NXNL2: variants seen among roughly 807,000 people sequenced by gnomAD.
NXNL2 encodes the protein nucleoredoxin-like protein 2.
NXNL2 carries 7 observed loss-of-function variants against 11.1 expected under a neutral mutation model. That is an observed-to-expected ratio of 0.63 (90% CI 0.36 to 1.18). NXNL2 has a LOEUF of 1.18. Ranked by LOEUF, NXNL2 falls within the 50% of genes most tolerant of loss-of-function variation. NXNL2 has a pLI of 0.02. For synonymous variants in NXNL2, 109 were observed against 101.8 expected (o/e 1.07, Z -0.42); for missense variants, 233 against 217.7 (o/e 1.07, Z -0.44).
intron 1 of NXNL2, among the ~76,000 whole-genome samples, chr9:88,543,432 A>G (rs544251223): frequency 3.9e-5 from 6 of 152,074 alleles, no homozygotes; most frequent in African/African-American, 1.4e-4. Context: ...ACGCCTAGCT[A>G]ATTTTTTAAC....
At chr9:88,540,616 C>CT (rs898949797) in intron 1 of NXNL2, among the ~76,000 whole-genome samples, 29 of 152,294 alleles carry the variant, frequency 1.9e-4, no homozygotes, top group African/African-American at 5.5e-4. Context: ...TCTGCTGTGT[C>CT]TTTTTTTCAC....
chr9:88,538,308 C>G (rs1332827535), intron 1 of NXNL2: 1 of 152,250 alleles, frequency 6.6e-6, no homozygotes, highest in African/African-American at 2.4e-5. Context: ...TCTGCATCCC[C>G]CTGACTGTGT....
intron 1 of NXNL2, among the ~76,000 whole-genome samples, chr9:88,582,172 G>A (rs932069292): frequency 1.8e-4 from 27 of 152,208 alleles, no homozygotes; most frequent in Non-Finnish European, 1.0e-4. Context: ...AGGGGAGGAT[G>A]TTCTTCATTA....
intron 1 of NXNL2, among the ~76,000 whole-genome samples, chr9:88,563,027 G>A (rs887012113): frequency 2.6e-5 from 4 of 152,156 alleles, no homozygotes; most frequent in African/African-American, 9.7e-5. Flanking sequence ...GGTGGAGGTT[G>A]CAGTGAGCCG....
intron 1 of NXNL2, among the ~76,000 whole-genome samples, chr9:88,562,548 T>C (rs960400566): frequency 2.0e-5 from 3 of 151,680 alleles, no homozygotes; most frequent in African/African-American, 7.3e-5. Context: ...AGGTCAGGAG[T>C]TCAGGACCAG....
chr9:88,545,958 G>T (rs923968918), downstream of NXNL2, among the ~76,000 whole-genome samples: 3 of 151,926 alleles, frequency 2.0e-5, no homozygotes, highest in African/African-American at 7.3e-5. Flanking sequence ...GTAGAGACAG[G>T]GTTTCATCAT....
chr9:88,540,197 T>C (rs1191719535), intron 1 of NXNL2, among the ~76,000 whole-genome samples: 2 of 151,880 alleles, frequency 1.3e-5, no homozygotes, highest in Non-Finnish European at 2.9e-5. Context: ...CCAGGCATGG[T>C]GGCGGGCGCC....
downstream of NXNL2, chr9:88,584,307 C>T (rs1017708076): frequency 3.3e-5 from 5 of 152,080 alleles, no homozygotes; most frequent in African/African-American, 1.2e-4. Flanking sequence ...AAGGGTGGGG[C>T]CTTAATCTGA....
intron 1 of NXNL2, among the ~76,000 whole-genome samples, chr9:88,567,251 G>A (rs1830189315): frequency 6.6e-6 from 1 of 151,906 alleles, no homozygotes; most frequent in South Asian, 2.1e-4. Flanking sequence ...CCATTCTCCG[G>A]CCTCAACCTC....
At chr9:88,553,613 G>C (rs1829973150) in intron 1 of NXNL2, among the ~76,000 whole-genome samples, 1 of 152,140 alleles carries the variant, frequency 6.6e-6, no homozygotes, top group Non-Finnish European at 1.5e-5. Context: ...TCAGGGAGGT[G>C]GAGAGTCCAA....
intron 1 of NXNL2, among the ~76,000 whole-genome samples, chr9:88,558,541 C>T (rs911444924): frequency 3.9e-5 from 6 of 152,126 alleles, no homozygotes; most frequent in African/African-American, 1.4e-4. Context: ...GTCATGGGAA[C>T]CCCTATGTAT....
chr9:88,556,406 T>C (rs573303995), intron 1 of NXNL2, among the ~76,000 whole-genome samples: 6 of 152,254 alleles, frequency 3.9e-5, no homozygotes, highest in South Asian at 4.1e-4. Flanking sequence ...AAGAGTTTTA[T>C]TGAGTGACAG....
chr9:88,577,439 A>C (rs980389973), downstream of NXNL2, among the ~76,000 whole-genome samples: 13 of 152,134 alleles, frequency 8.5e-5, no homozygotes, highest in African/African-American at 3.1e-4. Flanking sequence ...TGCAGGTGCC[A>C]GCTCAGGCTG....
intron 1 of NXNL2, among the ~76,000 whole-genome samples, chr9:88,562,135 G>C (rs1323667236): frequency 1.3e-5 from 2 of 152,204 alleles, no homozygotes; most frequent in African/African-American, 4.8e-5. Flanking sequence ...ATACAATAGA[G>C]ATGAATCTCA....
intron 1 of NXNL2, among the ~76,000 whole-genome samples, chr9:88,583,350 C>T (rs139303159): frequency 3.1e-3 from 473 of 152,336 alleles, no homozygotes; most frequent in Middle Eastern, 0.01. Context: ...GCACAACTTC[C>T]AAGAGTGAGA....
In NXNL2 at chr9:88,535,780, C is replaced by T. The variant is rs1289881734; in HGVS notation, c.302+44C>T. The stretch of plus-strand genomic sequence containing the variant: ...GGGGCGGGGGCCGCCCGGCACGTCT[C>T]CCCCATGTTCCCCCAGGCCTCCCCC... On this transcript the variant is annotated intron_variant, in intron 1 of 1. Transcript: ENST00000375854. 12 of 1,458,074 alleles carry T rather than the reference C, an allele frequency of 8.2e-6. No homozygotes were observed. The Middle Eastern group carries it at 7.6e-4, about 93-fold the overall frequency. 90.3% of individuals were successfully genotyped at this position (1,458,074 alleles called of 1,614,324 possible). A position where few individuals can be genotyped will look rare whatever the true frequency, so the allele number is the denominator to read the frequency against.
intron 2 of NXNL2, chr9:88,571,268 C>T (rs1376005739): frequency 7.8e-6 from 2 of 256,610 alleles, no homozygotes; most frequent in South Asian, 3.6e-5. Context: ...AGGGTTTCAC[C>T]ATGTTGTCCA....
chr9:88,579,486 C>T (rs1196640544), downstream of NXNL2, among the ~76,000 whole-genome samples: 4 of 152,190 alleles, frequency 2.6e-5, no homozygotes, highest in African/African-American at 9.7e-5. Context: ...CCCCATTGAG[C>T]TTATTCAAGT....
At chr9:88,546,696 T>C (rs1587844373), downstream of NXNL2, among the ~76,000 whole-genome samples, 1 of 152,176 alleles carries the variant, frequency 6.6e-6, no homozygotes, top group African/African-American at 2.4e-5. Flanking sequence ...ATTACAGTCA[T>C]GAGCCACCAC....
Sources: allele counts gnomAD v4.1 joint callset (sites outside exome capture counted in the v4.1 genomes callset), GRCh38; gene constraint gnomAD v4.1.1; transcripts MANE v1.5; gene names NCBI Gene and HGNC (gene_info 2026-07-23, HGNC 2026-07-21).